Variants in HS6ST3 observed in about 807,000 individuals in gnomAD.
HS6ST3 encodes the protein heparan sulfate 6-O-sulfotransferase 3.
A neutral mutation model predicts 36.7 loss-of-function variants in HS6ST3; 12 were observed. That is an observed-to-expected ratio of 0.33 (90% CI 0.21 to 0.53). HS6ST3 has a LOEUF of 0.53. HS6ST3 is among the 20% of genes least tolerant of loss of function. The pLI, the probability that HS6ST3 is intolerant of heterozygous loss-of-function variation, is 0.95. For synonymous variants in HS6ST3, 240 were observed against 257.5 expected (o/e 0.93, Z 0.65); for missense variants, 584 against 640.9 (o/e 0.91, Z 0.96).
At chr13:96,800,245 T>C (rs1337523988) in intron 1 of HS6ST3, among the ~76,000 whole-genome samples, 1 of 151,274 alleles carries the variant, frequency 6.6e-6, no homozygotes, top group East Asian at 1.9e-4. Flanking sequence ...ATATTATGTG[T>C]TATGTGTCAG....
chr13:96,092,370 C>T (rs985769048), intron 1 of HS6ST3, among the ~76,000 whole-genome samples: 1 of 152,168 alleles, frequency 6.6e-6, no homozygotes, highest in Admixed American at 6.5e-5. Flanking sequence ...GATCCCCTGC[C>T]TCCCAGCCTT....
At chr13:96,332,958 G>A (rs1245892572) in intron 1 of HS6ST3, among the ~76,000 whole-genome samples, 1 of 152,188 alleles carries the variant, frequency 6.6e-6, no homozygotes, top group East Asian at 1.9e-4. Flanking sequence ...CACCAGGTGA[G>A]AACTCACAGA....
At chr13:96,685,131 A>G (rs946325909) in intron 1 of HS6ST3, among the ~76,000 whole-genome samples, 1 of 152,050 alleles carries the variant, frequency 6.6e-6, no homozygotes, top group Admixed American at 6.6e-5. Context: ...TTTTTAACTG[A>G]TAAGTATCAT....
In HS6ST3 at chr13:96,721,254, A is replaced by C. The variant is rs192131297; in HGVS notation, c.708-111236A>C. On this transcript the variant is annotated intron_variant, in intron 1 of 1. Transcript: ENST00000376705. ...CAAGACACAGCATTTTTATATCTTT[A>C]TCTACTTAATGACCTCATATTTGTC... 1.3e-3 allele frequency among the ~76,000 whole-genome samples: 199 copies of C among 152,248 alleles called. 2 individuals are homozygous for C. The highest frequency in any genetic ancestry group is 3.0e-3 in the Admixed American group (46 of 15,288).
At chr13:96,368,105 G>T (rs2055271968) in intron 1 of HS6ST3, among the ~76,000 whole-genome samples, 1 of 152,156 alleles carries the variant, frequency 6.6e-6, no homozygotes, top group Admixed American at 6.5e-5. Context: ...GCCCAGCATT[G>T]CTGGGAACGC....
intron 1 of HS6ST3, among the ~76,000 whole-genome samples, chr13:96,434,479 C>T (rs1036197933): frequency 1.3e-5 from 2 of 152,184 alleles, no homozygotes; most frequent in African/African-American, 4.8e-5. Flanking sequence ...AGGCCCCTTG[C>T]CCTTTACCTG....
At chr13:96,374,437 G>A (rs982027848) in intron 1 of HS6ST3, among the ~76,000 whole-genome samples, 1 of 151,956 alleles carries the variant, frequency 6.6e-6, no homozygotes, top group Non-Finnish European at 1.5e-5. Context: ...CATTCTCTGT[G>A]ATTTCATCAG....
At chr13:96,401,780 G>T (rs1347246703) in intron 1 of HS6ST3, among the ~76,000 whole-genome samples, 3 of 151,922 alleles carry the variant, frequency 2.0e-5, no homozygotes. Flanking sequence ...TCACCATGCT[G>T]CCAGGCTGGT....
chr13:96,722,642 G>C (rs1875878398), intron 1 of HS6ST3, among the ~76,000 whole-genome samples: 1 of 152,106 alleles, frequency 6.6e-6, no homozygotes, highest in African/African-American at 2.4e-5. Flanking sequence ...TCTACAATGG[G>C]AATAATAATA....
chr13:96,796,132 T>C (rs1394603412), intron 1 of HS6ST3, among the ~76,000 whole-genome samples: 1 of 152,132 alleles, frequency 6.6e-6, no homozygotes, highest in Admixed American at 6.6e-5. Flanking sequence ...GTATCTAATT[T>C]ATGCAGCATT....
intron 1 of HS6ST3, among the ~76,000 whole-genome samples, chr13:96,369,310 A>T (rs2055278237): frequency 1.3e-5 from 2 of 152,142 alleles, no homozygotes. Context: ...ACTGCAGGAC[A>T]GTGTGCAGAC....
At chr13:96,331,891 T>G (rs76281900) in intron 1 of HS6ST3, among the ~76,000 whole-genome samples, 1 of 152,162 alleles carries the variant, frequency 6.6e-6, no homozygotes, top group East Asian at 1.9e-4. Context: ...TGGTGCGCCG[T>G]TTTTTAAGCC....
chr13:96,156,880 A>C (rs1253998900), intron 1 of HS6ST3, among the ~76,000 whole-genome samples: 1 of 152,194 alleles, frequency 6.6e-6, no homozygotes, highest in African/African-American at 2.4e-5. Flanking sequence ...TAGGATTGAC[A>C]TTCTCTTATG....
At chr13:96,587,779 C>T (rs1027068677) in intron 1 of HS6ST3, among the ~76,000 whole-genome samples, 1 of 152,194 alleles carries the variant, frequency 6.6e-6, no homozygotes, top group African/African-American at 2.4e-5. Flanking sequence ...AGTACTGTTA[C>T]AGTGGGAACC....
intron 1 of HS6ST3, among the ~76,000 whole-genome samples, chr13:96,821,866 T>A (rs752120351): frequency 5.9e-5 from 9 of 152,204 alleles, no homozygotes; most frequent in Non-Finnish European, 1.3e-4. Flanking sequence ...ATTAAAAAAA[T>A]ATATATTCTT....
chr13:96,710,653 A>C (rs940818399), intron 1 of HS6ST3, among the ~76,000 whole-genome samples: 1 of 152,244 alleles, frequency 6.6e-6, no homozygotes, highest in Non-Finnish European at 1.5e-5. Flanking sequence ...CCCAGTGCAC[A>C]GGCCTGGATA....
At chr13:96,655,930 AT>A (rs1400182549) in intron 1 of HS6ST3, among the ~76,000 whole-genome samples, 3 of 152,226 alleles carry the variant, frequency 2.0e-5, no homozygotes, top group African/African-American at 4.8e-5. Flanking sequence ...GGTGTAGTTC[AT>A]GATAGTAAAA....
chr13:96,180,201 C>T (rs2054233147), intron 1 of HS6ST3, among the ~76,000 whole-genome samples: 1 of 152,182 alleles, frequency 6.6e-6, no homozygotes, highest in South Asian at 2.1e-4. Context: ...CACGCACACA[C>T]ACACACACGC....
chr13:96,269,100 C>G (rs2054707059), intron 1 of HS6ST3, among the ~76,000 whole-genome samples: 1 of 151,758 alleles, frequency 6.6e-6, no homozygotes, highest in Non-Finnish European at 1.5e-5. Context: ...TTGTATATAC[C>G]ATAACAATGG....
Sources: gnomAD v4.1 joint callset for allele counts (sites outside exome capture counted in the v4.1 genomes callset) on GRCh38, gnomAD v4.1.1 for gene constraint, MANE v1.5 for transcripts, NCBI Gene and HGNC (gene_info 2026-07-23, HGNC 2026-07-21) for gene names.